RNF38: variants seen among roughly 807,000 people sequenced by gnomAD.
The protein encoded by RNF38 is ring finger protein 38.
In RNF38, 15 loss-of-function variants were observed where a neutral mutation model predicts 67.2. The ratio of observed to expected loss-of-function variants is 0.22; its 90% CI spans 0.15 to 0.34. The LOEUF is 0.34. Ranked by LOEUF, RNF38 falls within the 10% of genes least tolerant of loss-of-function variation. The probability of loss-of-function intolerance (pLI) is 1.00; values close to 1 mark genes in which losing one functional copy is unlikely to be tolerated. For missense variants in RNF38, 524 were observed against 639.9 expected, an observed-to-expected ratio of 0.82 and a Z score of 1.95; for synonymous variants, 220 against 218.8, an observed-to-expected ratio of 1.01 and a Z score of -0.05.
At chr9:36,382,522 T>C (rs771076747) in intron 2 of RNF38, among the ~76,000 whole-genome samples, 45 of 152,328 alleles carry the variant, frequency 3.0e-4, no homozygotes, top group Non-Finnish European at 5.4e-4. Flanking sequence ...AAAACAATTT[T>C]ATATGTAATA....
At chr9:36,455,430 T>G (rs1839564702) in intron 1 of RNF38, among the ~76,000 whole-genome samples, 1 of 152,044 alleles carries the variant, frequency 6.6e-6, no homozygotes, top group Non-Finnish European at 1.5e-5. Context: ...AGCACAACAC[T>G]AAAAGGAGTC....
intron 2 of RNF38, among the ~76,000 whole-genome samples, chr9:36,415,102 A>G (rs1322047688): frequency 6.6e-6 from 1 of 152,206 alleles, no homozygotes; most frequent in Non-Finnish European, 1.5e-5. Flanking sequence ...TAGCAAGGCC[A>G]GGGAAATTTT....
intron 1 of RNF38, among the ~76,000 whole-genome samples, chr9:36,427,624 G>C (rs1288640938): frequency 6.6e-6 from 1 of 151,986 alleles, no homozygotes; most frequent in Non-Finnish European, 1.5e-5. Flanking sequence ...TCGCCATAAT[G>C]AATCTGGGTT....
At chr9:36,400,902 C>G (rs1160835053), upstream of RNF38, 20 of 932,596 alleles carry the variant, frequency 2.1e-5, no homozygotes, top group Admixed American at 6.3e-5. Context: ...ACGCCCCTCC[C>G]CGCCCCGCCG....
chr9:36,372,026 G>A lies in RNF38; in HGVS notation c.357-2094C>T, dbSNP rs904258152. Among the ~76,000 whole-genome samples, 3 of 151,246 alleles carry A rather than the reference G, an allele frequency of 2.0e-5. No individual in the cohort carries two copies. The East Asian group carries it at 5.8e-4, about 29-fold the overall frequency. On this transcript the variant is annotated intron_variant, in intron 3 of 11. Coordinates refer to ENST00000259605, the MANE Select transcript of RNF38 (RefSeq NM_022781.5). The stretch of plus-strand genomic sequence containing the variant: ...GCTCACTACAACCTCTGCCTCCTGG[G>A]TTCAAGCGATTCTCCTGCCTCAGCC...
intron 2 of RNF38, among the ~76,000 whole-genome samples, chr9:36,420,291 G>T (rs1838586904): frequency 6.6e-6 from 1 of 151,996 alleles, no homozygotes; most frequent in Non-Finnish European, 1.5e-5. Context: ...CTAGCACTTT[G>T]GGAGGCCGAG....
chr9:36,439,258 T>C (rs1322402199), intron 1 of RNF38, among the ~76,000 whole-genome samples: 1 of 152,218 alleles, frequency 6.6e-6, no homozygotes. Flanking sequence ...TTGCTAATAG[T>C]ATATGTAGAC....
chr9:36,378,808 A>G (rs1835983144), intron 2 of RNF38, among the ~76,000 whole-genome samples: 1 of 152,196 alleles, frequency 6.6e-6, no homozygotes, highest in Non-Finnish European at 1.5e-5. Flanking sequence ...TAAAGTTACC[A>G]TCACTTCTCT....
chr9:36,401,052 T>G (rs981377550), upstream of RNF38: 103 of 984,416 alleles, frequency 1.0e-4, no homozygotes, highest in Non-Finnish European at 1.2e-4. Flanking sequence ...TCCCACTTCT[T>G]GGGTCCGGGT....
chr9:36,440,888 T>C (rs1039219177), intron 1 of RNF38, among the ~76,000 whole-genome samples: 3 of 152,198 alleles, frequency 2.0e-5, no homozygotes, highest in African/African-American at 7.2e-5. Flanking sequence ...GCTGGGTGGA[T>C]CACGAGGTCA....
intron 4 of RNF38, among the ~76,000 whole-genome samples, chr9:36,365,451 C>G (rs1375582514): frequency 2.0e-5 from 3 of 151,894 alleles, no homozygotes; most frequent in Admixed American, 2.0e-4. Flanking sequence ...GCCTGTAATC[C>G]CAGCTACTCA....
At chr9:36,457,673 T>G (rs1839625116) in intron 1 of RNF38, among the ~76,000 whole-genome samples, 1 of 152,100 alleles carries the variant, frequency 6.6e-6, no homozygotes, top group Admixed American at 6.6e-5. Flanking sequence ...TTTTGGAGAC[T>G]GAGGCAGGTG....
chr9:36,448,844 A>C (rs1377511392), intron 1 of RNF38, among the ~76,000 whole-genome samples: 1 of 152,092 alleles, frequency 6.6e-6, no homozygotes, highest in African/African-American at 2.4e-5. Context: ...TCTCTATTAA[A>C]AATACAAAAA....
chr9:36,367,573 T>C (rs1309980562), intron 4 of RNF38, among the ~76,000 whole-genome samples: 1 of 148,250 alleles, frequency 6.7e-6, no homozygotes, highest in Non-Finnish European at 1.5e-5. Context: ...CAGGTTATTC[T>C]TTTTTCTTTT....
At chr9:36,487,206 T>C (rs1840437735) in intron 1 of RNF38, 2 of 737,094 alleles carry the variant, frequency 2.7e-6, no homozygotes, top group Non-Finnish European at 3.3e-6. Flanking sequence ...ACAACGCTCC[T>C]CCCCGTCGGC....
At chr9:36,396,551 G>A (rs9408267) in intron 1 of RNF38, among the ~76,000 whole-genome samples, 8,196 of 152,120 alleles carry the variant, frequency 0.054, 701 homozygotes, top group African/African-American at 0.18. Flanking sequence ...AAAGGATTTT[G>A]ACAGTGTGGA....
intron 1 of RNF38, among the ~76,000 whole-genome samples, chr9:36,483,198 C>T (rs1259812624): frequency 6.6e-6 from 1 of 152,000 alleles, no homozygotes; most frequent in East Asian, 1.9e-4. Flanking sequence ...CCAGCCTGGC[C>T]AACATGGTGA....
chr9:36,441,321 A>G (rs1839186190), intron 1 of RNF38, among the ~76,000 whole-genome samples: 1 of 150,712 alleles, frequency 6.6e-6, no homozygotes, highest in South Asian at 2.1e-4. Context: ...CTGGGTTACT[A>G]AATTACCAAT....
intron 4 of RNF38, among the ~76,000 whole-genome samples, chr9:36,362,808 A>G (rs1834663440): frequency 1.3e-5 from 2 of 151,694 alleles, no homozygotes; most frequent in Admixed American, 1.3e-4. Flanking sequence ...TAATTTTTGT[A>G]TTTTTAGTAC....
Sources: gnomAD v4.1 joint callset for allele counts (sites outside exome capture counted in the v4.1 genomes callset) on GRCh38, gnomAD v4.1.1 for gene constraint, MANE v1.5 for transcripts, NCBI Gene and HGNC (gene_info 2026-07-23, HGNC 2026-07-21) for gene names.